Variants in FYN observed in about 807,000 individuals in gnomAD.
FYN encodes the protein tyrosine-protein kinase Fyn.
Under a neutral mutation model 70.2 loss-of-function variants are expected in FYN, and 10 were observed. The observed-to-expected ratio is 0.14, with a 90% CI of 0.09 to 0.24. FYN has a LOEUF of 0.24. FYN is among the 10% of genes least tolerant of loss of function. The pLI, the probability that FYN is intolerant of heterozygous loss-of-function variation, is 1.00. For synonymous variants in FYN, 236 were observed against 248.6 expected (o/e 0.95, Z 0.48); for missense variants, 319 against 673.1 (o/e 0.47, Z 5.82).
chr6:111,857,049 CCT>C (rs750293113), intron 1 of FYN, among the ~76,000 whole-genome samples: 1 of 152,036 alleles, frequency 6.6e-6, no homozygotes, highest in Admixed American at 6.5e-5. Context: ...TTTTTCTCCC[CCT>C]CTCTCATTTG....
chr6:111,670,366 G>A (rs570934507), intron 13 of FYN, among the ~76,000 whole-genome samples: 1 of 152,132 alleles, frequency 6.6e-6, no homozygotes, highest in African/African-American at 2.4e-5. Flanking sequence ...CACCAGTGAG[G>A]TGCTCCTTTG....
At chr6:111,757,036 T>C (rs569368691) in intron 3 of FYN, among the ~76,000 whole-genome samples, 12 of 152,150 alleles carry the variant, frequency 7.9e-5, no homozygotes, top group African/African-American at 2.4e-4. Context: ...ATATAAAAGA[T>C]AAAAGATTGA....
At chr6:111,868,763 A>G (rs1358998366) in intron 1 of FYN, among the ~76,000 whole-genome samples, 1 of 152,236 alleles carries the variant, frequency 6.6e-6, no homozygotes, top group Non-Finnish European at 1.5e-5. Flanking sequence ...ATCTTGAATT[A>G]GTTACTTAAC....
rs1159797492 is a variant in FYN at position 111,714,372 on chromosome 6, C to G, written c.319G>C (p.Glu107Gln). 4.3e-6 allele frequency: 7 copies of G among 1,613,832 alleles called. No homozygotes were observed. Among genetic ancestry groups the G allele is most frequent in the Non-Finnish European group, 5.9e-6 (7 of 1,179,840 alleles). ...TEDDLSFHKG[E>Q]KFQILNSSEG... is the part of the protein sequence containing the mutation. Reference sequence around the variant, plus strand: ...GAGCTGTTCAATATTTGAAATTTTTCTCCTTTGTGAAAACTCAGGTCATCT... The same window carrying G: ...GAGCTGTTCAATATTTGAAATTTTTGTCCTTTGTGAAAACTCAGGTCATCT... The change falls in exon 5 of 14, where the codon GAA (glutamate) becomes CAA (glutamine). Residue 107 changes from glutamate (E) to glutamine (Q), a missense_variant. Physicochemically the swap from Glu to Gln is conservative, Grantham distance 29. Coordinates refer to ENST00000354650, the MANE Select transcript of FYN (RefSeq NM_002037.5).
intron 13 of FYN, 70 bp downstream of exon 13, chr6:111,674,429 T>A (rs2128410713): frequency 1.3e-6 from 2 of 1,520,650 alleles, no homozygotes; most frequent in East Asian, 4.7e-5. Flanking sequence ...GCAAAGTGGA[T>A]GAAGTTTTCC....
intron 8 of FYN, 95 bp from the exon 9 acceptor site, chr6:111,700,363 G>T: frequency 7.7e-7 from 1 of 1,290,794 alleles, no homozygotes; most frequent in Non-Finnish European, 1.1e-6. Flanking sequence ...GCGGCGCACA[G>T]TGCTCCTCAA....
At position 111,694,544 on chromosome 6, in the gene FYN, G is replaced by A. The variant is rs1250077067; in HGVS notation, c.1120-16C>T. 2 of 1,614,096 alleles carry A rather than the reference G, an allele frequency of 1.2e-6. No homozygotes were observed. Among genetic ancestry groups the A allele is most frequent in the African/African-American group, 1.3e-5 (1 of 75,028 alleles). ...CTGCAGCCACCTGTGGAAACCCAGG[G>A]AACAGGACATGTTACACCACGACCC... On this transcript the variant is annotated splice_polypyrimidine_tract_variant and intron_variant, in intron 11 of 13. Transcript: ENST00000354650. The surrounding 1 kb of genome is among the most constrained non-coding windows in gnomAD (Gnocchi z 5.0).
chr6:111,825,575 GACAC>G (rs1562535217), intron 2 of FYN, among the ~76,000 whole-genome samples: 1 of 152,208 alleles, frequency 6.6e-6, no homozygotes, highest in African/African-American at 2.4e-5. Flanking sequence ...GTGCAGTGCA[GACAC>G]ACATGGTCGT....
chr6:111,695,371 C>T (rs185631729), intron 10 of FYN, among the ~76,000 whole-genome samples: 6 of 152,304 alleles, frequency 3.9e-5, no homozygotes, highest in Admixed American at 3.3e-4. Context: ...CCAGCCAAGC[C>T]TTAAATCAGA....
chr6:111,710,539 A>G (rs940611857), intron 5 of FYN, among the ~76,000 whole-genome samples: 1 of 152,236 alleles, frequency 6.6e-6, no homozygotes, highest in Non-Finnish European at 1.5e-5. Context: ...GCTACTCATG[A>G]GAAAGATAAA....
chr6:111,701,858 C>A (rs1392363878), intron 8 of FYN, among the ~76,000 whole-genome samples: 1 of 152,196 alleles, frequency 6.6e-6, no homozygotes, highest in Non-Finnish European at 1.5e-5. Flanking sequence ...ACTAGTACTG[C>A]AAGTGCTGTT....
chr6:111,686,384 G>A (rs946567258), intron 12 of FYN, among the ~76,000 whole-genome samples: 11 of 152,170 alleles, frequency 7.2e-5, no homozygotes, highest in Non-Finnish European at 1.2e-4. Context: ...CGGGAAAGCC[G>A]TGTCTGACCT....
At chr6:111,675,001 C>T (rs969269216) in intron 12 of FYN, among the ~76,000 whole-genome samples, 2 of 152,118 alleles carry the variant, frequency 1.3e-5, no homozygotes, top group African/African-American at 4.8e-5. Flanking sequence ...ATAGTGTGGT[C>T]TCACTGGGTA....
At chr6:111,842,775 T>C (rs1773403193) in intron 2 of FYN, among the ~76,000 whole-genome samples, 1 of 152,172 alleles carries the variant, frequency 6.6e-6, no homozygotes, top group Non-Finnish European at 1.5e-5. Context: ...GAATTAGATT[T>C]TCCCCCCACA....
intron 12 of FYN, among the ~76,000 whole-genome samples, chr6:111,675,838 T>A (rs1328870233): frequency 1.4e-5 from 2 of 147,972 alleles, no homozygotes; most frequent in African/African-American, 2.6e-5. Context: ...AATAAATAAA[T>A]AAAATAAAAT....
intron 3 of FYN, among the ~76,000 whole-genome samples, chr6:111,734,750 A>G (rs1801630678): frequency 6.6e-6 from 1 of 152,184 alleles, no homozygotes; most frequent in Admixed American, 6.5e-5. Flanking sequence ...ACAAATCACC[A>G]GTTTTCAACT....
intron 12 of FYN, among the ~76,000 whole-genome samples, chr6:111,682,129 C>G (rs1427908981): frequency 1.3e-5 from 2 of 152,350 alleles, no homozygotes; most frequent in South Asian, 4.1e-4. Flanking sequence ...TCCAGCCAGG[C>G]AGTAAGTTAT....
intron 8 of FYN, among the ~76,000 whole-genome samples, chr6:111,700,574 C>G (rs977026475): frequency 2.6e-5 from 4 of 152,218 alleles, no homozygotes; most frequent in African/African-American, 9.6e-5. Flanking sequence ...ACGATACAGT[C>G]TATACATAGA....
At chr6:111,672,049 G>A (rs1236090943) in intron 13 of FYN, among the ~76,000 whole-genome samples, 2 of 152,112 alleles carry the variant, frequency 1.3e-5, no homozygotes, top group South Asian at 2.1e-4. Context: ...ATGAGGACAC[G>A]GTTCCCTGGT....
Sources: allele counts gnomAD v4.1 joint callset (sites outside exome capture counted in the v4.1 genomes callset), GRCh38; gene constraint gnomAD v4.1.1; non-coding constraint Gnocchi (gnomAD v3.1); transcripts MANE v1.5; gene names NCBI Gene and HGNC (gene_info 2026-07-23, HGNC 2026-07-21).